CACNA2D3: variants seen among roughly 807,000 people sequenced by gnomAD.
The protein encoded by CACNA2D3 is voltage-dependent calcium channel subunit alpha-2/delta-3.
In CACNA2D3, 60 loss-of-function variants were observed where a neutral mutation model predicts 160.6. The ratio of observed to expected loss-of-function variants is 0.37; its 90% CI spans 0.30 to 0.46. The LOEUF is 0.46. Ranked by LOEUF, CACNA2D3 falls within the 20% of genes least tolerant of loss-of-function variation. The pLI is 1.00. For missense variants in CACNA2D3, 1,205 were observed against 1,365.0 expected (o/e 0.88, Z 1.85); for synonymous variants, 558 against 492.9 (o/e 1.13, Z -1.75).
Position 54,713,709 on chromosome 3 carries a change from CT to C in CACNA2D3, c.1168-38889del, listed in dbSNP as rs1700997051. 2.0e-5 allele frequency among the ~76,000 whole-genome samples: 3 copies of C among 152,308 alleles called. No homozygotes were observed. The South Asian group carries it at 6.2e-4, about 32-fold the overall frequency. On this transcript the variant is annotated intron_variant, in intron 11 of 37. Transcript: ENST00000474759. ...AGAAACTGCTAGGTCAGAGATAACT[CT>C]GGGAGGGTTCATACACAGTAAGGGT...
intron 2 of CACNA2D3, among the ~76,000 whole-genome samples, chr3:54,256,273 C>G (rs1702291994): frequency 6.6e-6 from 1 of 152,160 alleles, no homozygotes; most frequent in Non-Finnish European, 1.5e-5. Context: ...TCCCCTTTCT[C>G]TGACTGCTGA....
chr3:54,830,608 C>T (rs1703853857), intron 14 of CACNA2D3, among the ~76,000 whole-genome samples: 1 of 152,042 alleles, frequency 6.6e-6, no homozygotes, highest in Non-Finnish European at 1.5e-5. Flanking sequence ...AGTGCCCCCA[C>T]CACGCCCAGC....
At chr3:54,429,770 A>C (rs761398817) in intron 4 of CACNA2D3, among the ~76,000 whole-genome samples, 1 of 152,146 alleles carries the variant, frequency 6.6e-6, no homozygotes, top group Non-Finnish European at 1.5e-5. Flanking sequence ...TTTTTCTCGG[A>C]TGTTGGAATA....
At chr3:54,311,052 C>A (rs913960482) in intron 2 of CACNA2D3, among the ~76,000 whole-genome samples, 1 of 152,172 alleles carries the variant, frequency 6.6e-6, no homozygotes, top group African/African-American at 2.4e-5. Flanking sequence ...GATTCTACTG[C>A]GATTTGAACC....
intron 4 of CACNA2D3, among the ~76,000 whole-genome samples, chr3:54,438,007 G>A (rs1700085573): frequency 1.3e-5 from 2 of 152,162 alleles, no homozygotes; most frequent in Admixed American, 1.3e-4. Flanking sequence ...GTATATATGA[G>A]TTCTGTAGAG....
intron 4 of CACNA2D3, among the ~76,000 whole-genome samples, chr3:54,501,168 A>T (rs927662165): frequency 2.6e-5 from 4 of 152,158 alleles, no homozygotes; most frequent in Non-Finnish European, 4.4e-5. Flanking sequence ...CTTAATGACC[A>T]CACCACTTAT....
intron 27 of CACNA2D3, among the ~76,000 whole-genome samples, chr3:54,931,468 C>T (rs1316587604): frequency 6.6e-6 from 1 of 152,148 alleles, no homozygotes; most frequent in East Asian, 1.9e-4. Context: ...CCCTCCCTCC[C>T]GTGGTGAGCA....
At chr3:54,847,361 CACGT>C (rs1698957195) in intron 17 of CACNA2D3, among the ~76,000 whole-genome samples, 1 of 150,218 alleles carries the variant, frequency 6.7e-6, no homozygotes, top group Non-Finnish European at 1.5e-5. Flanking sequence ...AACAAACACA[CACGT>C]ACCTATATGC....
At chr3:54,810,277 T>C (rs973147765) in intron 13 of CACNA2D3, among the ~76,000 whole-genome samples, 3 of 152,050 alleles carry the variant, frequency 2.0e-5, no homozygotes, top group Admixed American at 2.0e-4. Flanking sequence ...AGGGCTGGAG[T>C]GAACCTGGAG....
chr3:54,452,512 T>C (rs1221180629), intron 4 of CACNA2D3, among the ~76,000 whole-genome samples: 1 of 152,230 alleles, frequency 6.6e-6, no homozygotes, highest in Non-Finnish European at 1.5e-5. Flanking sequence ...TGGAATTGTC[T>C]TTAATGTCTG....
At chr3:54,280,100 GA>G (rs1702838469) in intron 2 of CACNA2D3, among the ~76,000 whole-genome samples, 1 of 145,686 alleles carries the variant, frequency 6.9e-6, no homozygotes, top group African/African-American at 2.5e-5. Context: ...TTATTTATTT[GA>G]GACGGAGTCT....
chr3:54,559,145 C>T (rs1393951341), intron 5 of CACNA2D3, among the ~76,000 whole-genome samples: 1 of 152,092 alleles, frequency 6.6e-6, no homozygotes, highest in Non-Finnish European at 1.5e-5. Flanking sequence ...AATGTGGCAT[C>T]ATTTTGAAAC....
chr3:54,911,603 C>T (rs1349500138), intron 27 of CACNA2D3, among the ~76,000 whole-genome samples: 1 of 152,028 alleles, frequency 6.6e-6, no homozygotes, highest in Non-Finnish European at 1.5e-5. Context: ...AGTCTGACCA[C>T]TTCTCAGCAC....
In CACNA2D3 at chr3:54,826,123, T is replaced by C. The variant is rs1325347977; in HGVS notation, c.1398+9253T>C. Reference sequence around the variant, plus strand: ...CTGCCTTTTGGTTTTTCTTAGTAAATTGAGCCACATATTTAATGGTCTGGT... The same window carrying C: ...CTGCCTTTTGGTTTTTCTTAGTAAACTGAGCCACATATTTAATGGTCTGGT... On this transcript the variant is annotated intron_variant, in intron 14 of 37. Transcript: ENST00000474759. Among the ~76,000 whole-genome samples, 5 of 152,338 alleles carry C rather than the reference T, an allele frequency of 3.3e-5. No homozygotes were observed. In the East Asian group the frequency reaches 7.7e-4, roughly 24 times the overall value.
intron 5 of CACNA2D3, among the ~76,000 whole-genome samples, chr3:54,556,428 G>A (rs541727056): frequency 3.3e-5 from 5 of 152,178 alleles, no homozygotes; most frequent in African/African-American, 4.8e-5. Flanking sequence ...ATTAAGAGAC[G>A]GGCATGGAAC....
intron 5 of CACNA2D3, among the ~76,000 whole-genome samples, chr3:54,520,937 A>G (rs949287459): frequency 1.3e-5 from 2 of 152,228 alleles, no homozygotes; most frequent in African/African-American, 4.8e-5. Flanking sequence ...ACCATATATC[A>G]GTATTCATTT....
intron 9 of CACNA2D3, among the ~76,000 whole-genome samples, chr3:54,606,804 C>T (rs904436274): frequency 6.6e-6 from 1 of 152,076 alleles, no homozygotes; most frequent in Non-Finnish European, 1.5e-5. Context: ...TCTTTTCACC[C>T]CCTCTCTAAT....
At chr3:54,524,015 CTT>C (rs1315390976) in intron 5 of CACNA2D3, among the ~76,000 whole-genome samples, 4 of 150,942 alleles carry the variant, frequency 2.7e-5, no homozygotes, top group African/African-American at 9.7e-5. Flanking sequence ...TCATTCTAGT[CTT>C]TATTATTTCT....
chr3:54,162,760 A>G (rs913772665), intron 2 of CACNA2D3, among the ~76,000 whole-genome samples: 9 of 152,224 alleles, frequency 5.9e-5, no homozygotes, highest in South Asian at 2.1e-4. Flanking sequence ...ACAGGTATCT[A>G]TTGAGCACCT....
Sources: allele counts gnomAD v4.1 joint callset (sites outside exome capture counted in the v4.1 genomes callset), GRCh38; gene constraint gnomAD v4.1.1; transcripts MANE v1.5; gene names NCBI Gene and HGNC (gene_info 2026-07-23, HGNC 2026-07-21).